The following SEC24A variants were observed in gnomAD, a reference collection of about 807,000 sequenced individuals.
SEC24A encodes the protein SEC24 homolog A, COPII component.
Under a neutral mutation model 129.4 loss-of-function variants are expected in SEC24A, and 93 were observed. That is an observed-to-expected ratio of 0.72 (90% confidence interval 0.61 to 0.85). SEC24A has a LOEUF of 0.85. Among genes scored for constraint, SEC24A ranks in the 40% least tolerant of loss-of-function variants. SEC24A has a pLI of 0.00. For missense variants in SEC24A, 1,264 were observed against 1,307.4 expected (o/e 0.97, Z 0.51); for synonymous variants, 460 against 467.3 (o/e 0.98, Z 0.20).
At chr5:134,673,950 G>T (rs368395659) in intron 4 of SEC24A, among the ~76,000 whole-genome samples, 2 of 151,950 alleles carry the variant, frequency 1.3e-5, no homozygotes, top group South Asian at 4.1e-4. Flanking sequence ...TCTGACCAAC[G>T]TAGTAAAACC....
chr5:134,675,721 T>A (rs1485532135), intron 6 of SEC24A, among the ~76,000 whole-genome samples: 1 of 152,218 alleles, frequency 6.6e-6, no homozygotes, highest in Non-Finnish European at 1.5e-5. Flanking sequence ...ATCACCTAAG[T>A]TTAATTTAAT....
Position 134,715,048 on chromosome 5 carries a change from G to A in SEC24A, c.2752G>A (p.Ala918Thr). 2 of 1,613,126 alleles carry A rather than the reference G, an allele frequency of 1.2e-6. No homozygotes were observed. Among genetic ancestry groups the A allele is most frequent in the South Asian group, 2.2e-5 (2 of 90,858 alleles). Reference sequence around the variant, plus strand: ...GAAATCATTCCAGACTGGGACAAATGCACGTCTAGATGAACGCATTTTTGC... The same window carrying A: ...GAAATCATTCCAGACTGGGACAAATACACGTCTAGATGAACGCATTTTTGC... Reference protein sequence around the residue: ...KQKSFQTGTNARLDERIFAMC... With the variant: ...KQKSFQTGTNTRLDERIFAMC... Residue 918 changes from alanine (A) to threonine (T), a missense_variant, in exon 19 of 23, where the codon GCA (alanine) becomes ACA (threonine). By Grantham distance (58) the Ala-to-Thr change is moderately conservative. Transcript: ENST00000398844.
intron 7 of SEC24A, among the ~76,000 whole-genome samples, chr5:134,678,518 C>T (rs1254890811): frequency 6.6e-6 from 1 of 151,510 alleles, no homozygotes; most frequent in Non-Finnish European, 1.5e-5. Context: ...TGGTCTCTAC[C>T]TCCCAGCCTC....
chr5:134,680,992 G>A (rs1187854677), intron 8 of SEC24A, among the ~76,000 whole-genome samples: 3 of 151,218 alleles, frequency 2.0e-5, no homozygotes, highest in Non-Finnish European at 4.4e-5. Flanking sequence ...CCAGCTACTC[G>A]GGAGGCTGAG....
At position 134,674,619 on chromosome 5, in the gene SEC24A, A is replaced by G; in HGVS notation, c.822A>G (p.Thr274=). The G allele has an allele frequency of 6.2e-7, 1 of 1,612,940 alleles. No individual in the cohort carries two copies. Reference sequence around the variant, plus strand: ...TAAAAGTTACCTTGTTTCTAGCAACACCACAGCTTACTAACAAGAATCCCA... The same window carrying G: ...TAAAAGTTACCTTGTTTCTAGCAACGCCACAGCTTACTAACAAGAATCCCA... ...DEIEGGGLLA[T]PQLTNKNPKM... Residue 274 remains threonine (T), a synonymous_variant, in exon 5 of 23, where the codon ACA becomes ACG. Transcript: ENST00000398844.
intron 22 of SEC24A, 56 bp from the exon 23 acceptor site, chr5:134,724,924 A>C: frequency 1.2e-6 from 1 of 835,762 alleles, no homozygotes; most frequent in South Asian, 1.4e-5. Flanking sequence ...AAGCCTTCTG[A>C]CAAGTCTATT....
intron 1 of SEC24A, among the ~76,000 whole-genome samples, chr5:134,656,490 TTGTTTTTTTGAGACAGAGTCTTGCTC>T (rs1283921564): frequency 1.3e-5 from 2 of 151,732 alleles, no homozygotes; most frequent in Non-Finnish European, 2.9e-5. Flanking sequence ...TTCCCCACCT[TTGTTTTTTTGAGACAGAGTCTTGCTC>T]TGTCAACCAG....
intron 2 of SEC24A, among the ~76,000 whole-genome samples, chr5:134,665,384 G>A (rs1750624216): frequency 6.7e-6 from 1 of 150,364 alleles, no homozygotes; most frequent in Non-Finnish European, 1.5e-5. Context: ...GAACCCAGGA[G>A]GCGGAGGTTG....
chr5:134,713,018 G>A (rs1297516878), intron 18 of SEC24A, among the ~76,000 whole-genome samples: 5 of 135,230 alleles, frequency 3.7e-5, no homozygotes, highest in Non-Finnish European at 7.6e-5. Context: ...TGCAAGCTCC[G>A]CCTCCCGGGT....
In SEC24A at chr5:134,693,755, C is replaced by A; in HGVS notation, c.1808C>A (p.Pro603Gln). The change falls in exon 13 of 23, where the codon CCA (proline) becomes CAA (glutamine). Residue 603 changes from proline (P) to glutamine (Q), a missense_variant. Coordinates refer to ENST00000398844, the MANE Select transcript of SEC24A (RefSeq NM_021982.3). Reference protein sequence around the residue: ...ELVQDLLKTLPQMFTKTLETQ... With the variant: ...ELVQDLLKTLQQMFTKTLETQ... ...GTGCAAGATTTACTGAAAACTTTGC[C>A]ACAAATGTTTACCAAGACTCTGGAG... 3.1e-6 allele frequency: 5 copies of A among 1,613,718 alleles called. No individual in the cohort carries two copies. The highest frequency in any genetic ancestry group is 4.2e-6 in the Non-Finnish European group (5 of 1,179,820).
chr5:134,697,155 C>T lies in SEC24A; in HGVS notation c.2016C>T (p.Phe672=). The part of the protein sequence containing the change: ...KDIHMTPSTD[F]YKKLALDCSG... ...TACACATGACACCATCCACTGACTT[C>T]TATAAGAAATTAGCCTTGGACTGTT... The change falls in exon 14 of 23, where the codon TTC becomes TTT. Residue 672 remains phenylalanine, a synonymous_variant. Transcript: ENST00000398844. The T allele has an allele frequency of 6.4e-7, 1 of 1,559,186 alleles. No homozygotes were observed. Among genetic ancestry groups the T allele is most frequent in the Non-Finnish European group, 8.8e-7 (1 of 1,134,870 alleles).
intron 11 of SEC24A, among the ~76,000 whole-genome samples, chr5:134,689,842 A>G (rs1751579042): frequency 6.6e-6 from 1 of 152,102 alleles, no homozygotes; most frequent in African/African-American, 2.4e-5. Flanking sequence ...CACGTGCTAC[A>G]ATGTGGATGA....
At chr5:134,697,753 G>T in intron 14 of SEC24A, 146 bp from the exon 15 acceptor site, 1 of 846,414 alleles carries the variant, frequency 1.2e-6, no homozygotes, top group Non-Finnish European at 1.8e-6. Context: ...ATGGGACTCT[G>T]TCTCAAAAAA....
intron 16 of SEC24A, among the ~76,000 whole-genome samples, chr5:134,704,671 C>T (rs1752099218): frequency 6.6e-6 from 1 of 151,700 alleles, no homozygotes; most frequent in Non-Finnish European, 1.5e-5. Flanking sequence ...GGTATAGTGG[C>T]ACACACTGGT....
intron 17 of SEC24A, among the ~76,000 whole-genome samples, chr5:134,706,172 C>T (rs1028603918): frequency 6.6e-6 from 1 of 152,188 alleles, no homozygotes; most frequent in South Asian, 2.1e-4. Context: ...CAGGCGTGAG[C>T]CACCGTGCCT....
chr5:134,652,779 G>A (rs1037626029), intron 1 of SEC24A, among the ~76,000 whole-genome samples: 1 of 151,652 alleles, frequency 6.6e-6, no homozygotes, highest in East Asian at 1.9e-4. Flanking sequence ...TATTTTGTTT[G>A]TTTGTTTTGT....
chr5:134,709,832 A>T (rs913835691), intron 18 of SEC24A, among the ~76,000 whole-genome samples: 5 of 150,554 alleles, frequency 3.3e-5, no homozygotes, highest in African/African-American at 1.3e-4. Flanking sequence ...AAGAGACCAT[A>T]CATGTTATTT....
chr5:134,677,265 G>A (rs914163930), intron 7 of SEC24A, among the ~76,000 whole-genome samples: 7 of 151,942 alleles, frequency 4.6e-5, no homozygotes, highest in Non-Finnish European at 1.0e-4. Context: ...AGACATGATT[G>A]TACTACTGCA....
At position 134,663,556 on chromosome 5, in the gene SEC24A, G is replaced by A. The variant is rs145482627; in HGVS notation, c.565+1970G>A. Among the ~76,000 whole-genome samples, 323 of 152,306 alleles carry A rather than the reference G, an allele frequency of 2.1e-3. 2 individuals are homozygous for A. Among genetic ancestry groups the A allele is most frequent in the African/African-American group, 7.4e-3 (308 of 41,586 alleles). On this transcript the variant is annotated intron_variant, in intron 2 of 22. Coordinates refer to ENST00000398844, the MANE Select transcript of SEC24A (RefSeq NM_021982.3). Reference sequence around the variant, plus strand: ...TTAAGGGCCAGGCGTGGTGGCTCACGCCTATAATCCTAGCACTTTGGGAGT... The same window carrying A: ...TTAAGGGCCAGGCGTGGTGGCTCACACCTATAATCCTAGCACTTTGGGAGT...
Sources: gnomAD v4.1 joint callset for allele counts (sites outside exome capture counted in the v4.1 genomes callset) on GRCh38, gnomAD v4.1.1 for gene constraint, MANE v1.5 for transcripts, NCBI Gene and HGNC (gene_info 2026-07-23, HGNC 2026-07-21) for gene names.